Variants in RTL4 observed in about 807,000 individuals in gnomAD.
The protein encoded by RTL4 is retrotransposon Gag-like protein 4.
RTL4 carries 4 observed loss-of-function variants against 5.3 expected under a neutral mutation model. That is an observed-to-expected ratio of 0.75 (90% CI 0.37 to 1.72). The LOEUF (loss-of-function observed/expected upper bound fraction) is 1.72, where lower values mean the gene tolerates loss of function less well. Among genes scored for constraint, RTL4 ranks in the 40% most tolerant of loss-of-function variants. RTL4 has a pLI of 0.04. For missense variants in RTL4, 260 were observed against 227.1 expected (o/e 1.14, Z -0.93); for synonymous variants, 98 against 87.3 (o/e 1.12, Z -0.68).
the RTL4 span, among the ~76,000 whole-genome samples, chrX:112,386,354 T>G: frequency 8.9e-6 from 1 of 111,818 alleles, no homozygotes; most frequent in Admixed American, 9.5e-5. Flanking sequence ...TTATTCTTCC[T>G]TTTTAACTTT....
chrX:112,103,419 T>C, the RTL4 span, among the ~76,000 whole-genome samples: 16,357 of 110,218 alleles, frequency 0.15, 1,775 homozygotes, highest in African/African-American at 0.37. Flanking sequence ...TAGGGCCTGT[T>C]GGCTATGGGG....
chrX:112,455,634 A>G, exon 1 of RTL4: 1 of 1,208,986 alleles, frequency 8.3e-7, no homozygotes, highest in Non-Finnish European at 1.1e-6. Context: ...GAGCTCCGGC[A>G]ACGACAAATA....
chrX:112,272,392 C>T, the RTL4 span, among the ~76,000 whole-genome samples: 1 of 111,547 alleles, frequency 9.0e-6, no homozygotes, highest in Non-Finnish European at 1.9e-5. Flanking sequence ...GCAGTGGATC[C>T]TAAGCTGAGT....
At chrX:112,168,939 T>TTCTTTTTCTTTC in the RTL4 span, among the ~76,000 whole-genome samples, 8 of 91,873 alleles carry the variant, frequency 8.7e-5, no homozygotes, top group African/African-American at 3.2e-4. Flanking sequence ...CTTTCTTTCT[T>TTCTTTTTCTTTC]TTTCTTTCTT....
At chrX:112,382,239 C>G in the RTL4 span, 1 of 1,070,928 alleles carries the variant, frequency 9.3e-7, no homozygotes, top group Non-Finnish European at 1.3e-6. Context: ...TAAAATAACA[C>G]TGATTAAATA....
At chrX:112,410,878 G>T in the RTL4 span, among the ~76,000 whole-genome samples, 1 of 111,243 alleles carries the variant, frequency 9.0e-6, no homozygotes, top group Non-Finnish European at 1.9e-5. Flanking sequence ...AATAAATAAA[G>T]ATCAGAGCAG....
At chrX:112,193,589 G>A in the RTL4 span, among the ~76,000 whole-genome samples, 2 of 111,383 alleles carry the variant, frequency 1.8e-5, no homozygotes, top group Non-Finnish European at 3.8e-5. Context: ...CTTCTCAAAT[G>A]TATAAATTCA....
At chrX:112,427,439 C>T in the RTL4 span, among the ~76,000 whole-genome samples, 1 of 110,824 alleles carries the variant, frequency 9.0e-6, no homozygotes, top group South Asian at 3.8e-4. Flanking sequence ...AGAAAAAAAC[C>T]TCTCAATTTG....
chrX:112,381,697 G>A, the RTL4 span: 54 of 1,206,748 alleles, frequency 4.5e-5, no homozygotes, highest in Non-Finnish European at 6.0e-5. Flanking sequence ...GTTTGAAGCG[G>A]AAGTTGCAGG....
At chrX:112,130,960 ATT>A in the RTL4 span, among the ~76,000 whole-genome samples, 1 of 96,876 alleles carries the variant, frequency 1.0e-5, no homozygotes, top group African/African-American at 4.8e-5. Flanking sequence ...TGCCCGGCTA[ATT>A]TTTTTTGTAT....
chrX:112,143,324 T>A, the RTL4 span, among the ~76,000 whole-genome samples: 1 of 110,786 alleles, frequency 9.0e-6, no homozygotes, highest in Non-Finnish European at 1.9e-5. Context: ...TTTTTTTTCA[T>A]AGATTTTAAA....
the RTL4 span, among the ~76,000 whole-genome samples, chrX:112,274,277 A>G: frequency 9.0e-6 from 1 of 111,650 alleles, no homozygotes; most frequent in Non-Finnish European, 1.9e-5. Flanking sequence ...GATGTGAGAT[A>G]TATTGAGTTC....
the RTL4 span, among the ~76,000 whole-genome samples, chrX:112,411,655 T>A: frequency 1.8e-5 from 2 of 110,700 alleles, no homozygotes; most frequent in Non-Finnish European, 3.8e-5. Context: ...ATTCGGTATC[T>A]CTCCATAATA....
the RTL4 span, among the ~76,000 whole-genome samples, chrX:112,263,810 T>C: frequency 8.9e-6 from 1 of 111,899 alleles, no homozygotes; most frequent in Non-Finnish European, 1.9e-5. Flanking sequence ...TGGTGATGGA[T>C]GTATTAATTA....
At chrX:112,387,778 C>T in the RTL4 span, among the ~76,000 whole-genome samples, 5 of 111,840 alleles carry the variant, frequency 4.5e-5, no homozygotes, top group South Asian at 1.1e-3. Context: ...CATTGGTCTA[C>T]GTGTCTGGTT....
At chrX:112,453,978 T>G (rs11152708), upstream of RTL4, among the ~76,000 whole-genome samples, 58,478 of 110,204 alleles carry the variant, frequency 0.53, 12,197 homozygotes, top group African/African-American at 0.77. Flanking sequence ...ATATTAACTA[T>G]CTGTGTGACC....
the RTL4 span, among the ~76,000 whole-genome samples, chrX:112,232,313 T>C: frequency 1.8e-5 from 2 of 112,122 alleles, no homozygotes; most frequent in African/African-American, 6.5e-5. Context: ...ATATGTAAAG[T>C]TGTAATTAGA....
the RTL4 span, among the ~76,000 whole-genome samples, chrX:112,141,410 CT>C: frequency 0.046 from 5,067 of 111,308 alleles, 263 homozygotes; most frequent in African/African-American, 0.14. Flanking sequence ...ACTTTTCTTG[CT>C]TTTTCTTGCC....
At chrX:112,205,626 C>CAT in the RTL4 span, among the ~76,000 whole-genome samples, 1 of 111,096 alleles carries the variant, frequency 9.0e-6, no homozygotes, top group African/African-American at 3.3e-5. Context: ...CACACACACA[C>CAT]GCACACACAC....
Sources: gnomAD v4.1 joint callset for allele counts (sites outside exome capture counted in the v4.1 genomes callset) on GRCh38, gnomAD v4.1.1 for gene constraint, MANE v1.5 for transcripts, NCBI Gene and HGNC (gene_info 2026-07-23, HGNC 2026-07-21) for gene names.